Variants in INO80 observed in about 807,000 individuals in gnomAD.
INO80 encodes chromatin-remodeling ATPase INO80.
A neutral mutation model predicts 203.4 loss-of-function variants in INO80; 20 were observed. The observed-to-expected ratio is 0.10, with a 90% CI of 0.07 to 0.14. The LOEUF (loss-of-function observed/expected upper bound fraction) is 0.14, where lower values mean the gene tolerates loss of function less well. INO80 is among the 10% of genes least tolerant of loss of function. INO80 has a pLI of 1.00. For missense variants in INO80, 1,419 were observed against 1,914.4 expected, an observed-to-expected ratio of 0.74 and a Z score of 4.83; for synonymous variants, 726 against 685.2, an observed-to-expected ratio of 1.06 and a Z score of -0.93.
rs944926802 is a variant in INO80, at chr15:40,983,366, C to T, written c.4238-289G>A. ...TAAATTTGTCCATTACAAAGGGAAG[C>T]GACTTGCTACCTGGGACTCATCTGC... On this transcript the variant is annotated intron_variant, in intron 34 of 35. Coordinates refer to ENST00000648947, the MANE Select transcript of INO80 (RefSeq NM_017553.3). The T allele has an allele frequency of 8.7e-5, 39 of 449,958 alleles. No individual in the cohort carries two copies. In the Admixed American group the frequency reaches 1.4e-3, roughly 16 times the overall value. The allele number at this position is 449,958 out of a possible 1,614,324, so 27.9% of individuals were successfully genotyped here. A position where few individuals can be genotyped will look rare whatever the true frequency, so the allele number is the denominator to read the frequency against.
At chr15:40,988,282 T>C (rs532377789) in intron 29 of INO80, among the ~76,000 whole-genome samples, 9 of 152,348 alleles carry the variant, frequency 5.9e-5, no homozygotes, top group Admixed American at 5.2e-4. Context: ...CAGTGCATTG[T>C]TCTAAGTGCA....
chr15:40,984,123 C>T (rs547278672), intron 33 of INO80, 74 bp downstream of exon 33: 3 of 1,496,080 alleles, frequency 2.0e-6, no homozygotes, highest in Admixed American at 1.9e-5. Context: ...CAAAGACTGC[C>T]CAGCAGTGTG....
chr15:41,078,520 G>A (rs557612194), intron 9 of INO80, among the ~76,000 whole-genome samples: 38 of 152,140 alleles, frequency 2.5e-4, no homozygotes, highest in Admixed American at 1.4e-3. Flanking sequence ...GCAAATATAC[G>A]AATTAACCAG....
intron 20 of INO80, among the ~76,000 whole-genome samples, 158 bp downstream of exon 20, chr15:41,049,777 T>C (rs2044834945): frequency 6.6e-6 from 1 of 152,084 alleles, no homozygotes; most frequent in South Asian, 2.1e-4. Context: ...TCTCAGCTCC[T>C]TGGGAGGCTG....
At chr15:41,035,329 C>G (rs1408367119) in intron 24 of INO80, among the ~76,000 whole-genome samples, 3 of 152,100 alleles carry the variant, frequency 2.0e-5, no homozygotes, top group African/African-American at 7.2e-5. Context: ...GATCCTAACA[C>G]TCTGGGAGGC....
intron 6 of INO80, among the ~76,000 whole-genome samples, chr15:41,086,363 C>T (rs2045565148): frequency 6.6e-6 from 1 of 152,008 alleles, no homozygotes; most frequent in South Asian, 2.1e-4. Flanking sequence ...ACAATTCATA[C>T]CTTTAAGCCA....
At chr15:41,112,888 G>A (rs1469412974) in intron 1 of INO80, among the ~76,000 whole-genome samples, 2 of 148,640 alleles carry the variant, frequency 1.3e-5, no homozygotes, top group African/African-American at 5.0e-5. Context: ...AAAATCCACT[G>A]CATCCTAGCG....
intron 24 of INO80, among the ~76,000 whole-genome samples, chr15:41,031,632 G>A: frequency 8.1e-6 from 1 of 123,854 alleles, no homozygotes; most frequent in African/African-American, 3.3e-5. Flanking sequence ...AAGGGAGGAA[G>A]GGAGGAAGGG....
Position 41,073,513 on chromosome 15 carries a change from TG to T in INO80, c.1328-19del. 6.3e-7 allele frequency: 1 copy of T among 1,593,656 alleles called. No homozygotes were observed. ...GTTACTATCTGAAAAGCAAAATTTA[TG>T]GATTATCACACTTTATCAACTGATT... is the stretch of plus-strand genomic sequence containing the variant. On this transcript the variant is annotated intron_variant, in intron 10 of 35. Coordinates refer to ENST00000648947, the MANE Select transcript of INO80 (RefSeq NM_017553.3).
intron 1 of INO80, among the ~76,000 whole-genome samples, chr15:41,115,742 C>G (rs979244401): frequency 1.3e-5 from 2 of 152,200 alleles, no homozygotes; most frequent in Non-Finnish European, 2.9e-5. Context: ...GAGGTCACCG[C>G]ATGACCCCGG....
At chr15:41,052,043 G>A (rs2044884867) in intron 19 of INO80, among the ~76,000 whole-genome samples, 1 of 152,092 alleles carries the variant, frequency 6.6e-6, no homozygotes, top group Admixed American at 6.5e-5. Flanking sequence ...GGAGGCTGAG[G>A]TGGGGGGATC....
At chr15:41,011,578 TTTC>T (rs1297384946) in intron 27 of INO80, 3 of 151,074 alleles carry the variant, frequency 2.0e-5, no homozygotes, top group Non-Finnish European at 4.4e-5. Context: ...CCCAATTTTC[TTTC>T]TTTTTTTTTT....
chr15:41,096,282 T>C lies in INO80; in HGVS notation c.29A>G (p.Asp10Gly), dbSNP rs745469325. Residue 10 changes from aspartate to glycine, a missense_variant, in exon 2 of 36, where the codon GAT becomes GGT. Physicochemically the swap from Asp to Gly is moderately conservative, Grantham distance 94. This residue lies in a region of INO80 where 323 missense variants were observed against 325.4 expected (regional missense o/e 0.99). Coordinates refer to ENST00000648947, the MANE Select transcript of INO80 (RefSeq NM_017553.3). MASELGARD[D>G]GGCTELAKPL... ...CTTTGCCAGCTCAGTGCAGCCTCCA[T>C]CATCCCTGGCACCCAACTCCGAGGC... The C allele has an allele frequency of 1.2e-6, 2 of 1,605,054 alleles. No individual in the cohort carries two copies. Among genetic ancestry groups the C allele is most frequent in the South Asian group, 1.1e-5 (1 of 89,386 alleles).
At chr15:41,009,199 G>A (rs1182295483) in intron 27 of INO80, among the ~76,000 whole-genome samples, 1 of 150,374 alleles carries the variant, frequency 6.7e-6, no homozygotes, top group African/African-American at 2.4e-5. Context: ...TAGAACATAT[G>A]CGGTTTTTGT....
chr15:41,040,440 T>C (rs2044649027), intron 24 of INO80, among the ~76,000 whole-genome samples: 1 of 152,174 alleles, frequency 6.6e-6, no homozygotes, highest in African/African-American at 2.4e-5. Context: ...AGACACCTGC[T>C]TGACAAGTGA....
intron 14 of INO80, among the ~76,000 whole-genome samples, chr15:41,061,830 A>C (rs1001918551): frequency 1.3e-5 from 2 of 152,160 alleles, no homozygotes; most frequent in African/African-American, 4.8e-5. Context: ...GATGCAGCTA[A>C]AGAGAAAATT....
At chr15:41,098,412 T>C (rs971752143) in intron 1 of INO80, among the ~76,000 whole-genome samples, 1 of 152,102 alleles carries the variant, frequency 6.6e-6, no homozygotes, top group Non-Finnish European at 1.5e-5. Context: ...CAGTGGCTCA[T>C]GCCTGTAATC....
chr15:41,103,919 T>G (rs867624846), intron 1 of INO80, among the ~76,000 whole-genome samples: 3 of 151,950 alleles, frequency 2.0e-5, no homozygotes, highest in Non-Finnish European at 4.4e-5. Flanking sequence ...AGAGGCTCTT[T>G]AAAATTCATC....
intron 24 of INO80, among the ~76,000 whole-genome samples, chr15:41,040,463 G>A (rs1359020335): frequency 1.3e-5 from 2 of 152,216 alleles, no homozygotes; most frequent in Non-Finnish European, 2.9e-5. Flanking sequence ...CTACAGTCCA[G>A]TAAGAATGGT....
Sources: gnomAD v4.1 joint callset for allele counts (sites outside exome capture counted in the v4.1 genomes callset) on GRCh38, gnomAD v4.1.1 for gene constraint, gnomAD v4.1.1 regional missense constraint, MANE v1.5 for transcripts, NCBI Gene and HGNC (gene_info 2026-07-23, HGNC 2026-07-21) for gene names.